POF1B: variants seen among roughly 807,000 people sequenced by gnomAD.
POF1B encodes the protein protein POF1B.
POF1B carries 53 observed loss-of-function variants against 55.3 expected under a neutral mutation model. The observed-to-expected ratio is 0.96, with a 90% CI of 0.77 to 1.20. The LOEUF (loss-of-function observed/expected upper bound fraction) is 1.20. Ranked by LOEUF, POF1B falls within the 50% of genes most tolerant of loss-of-function variation. The probability of loss-of-function intolerance (pLI) is 0.00; values close to 1 mark genes in which losing one functional copy is unlikely to be tolerated. For synonymous variants in POF1B, 188 were observed against 148.3 expected (o/e 1.27, Z -1.95); for missense variants, 478 against 420.5 (o/e 1.14, Z -1.20).
At chrX:85,374,348 T>C (rs1245611459) in intron 2 of POF1B, among the ~76,000 whole-genome samples, 1 of 111,453 alleles carries the variant, frequency 9.0e-6, no homozygotes, top group African/African-American at 3.3e-5. Flanking sequence ...TCAAGACCTG[T>C]TGGCTTCATT....
chrX:85,339,247 G>T (rs532372901), intron 6 of POF1B, among the ~76,000 whole-genome samples: 2 of 110,380 alleles, frequency 1.8e-5, no homozygotes, highest in South Asian at 7.8e-4. Flanking sequence ...AAAACCACCA[G>T]ATCTCATGAG....
chrX:85,360,675 A>AATGATTT (rs2147945202), intron 3 of POF1B, among the ~76,000 whole-genome samples: 1 of 106,179 alleles, frequency 9.4e-6, no homozygotes, highest in East Asian at 3.0e-4. Context: ...TTTATGGTAG[A>AATGATTT]ATGATTTATA....
intron 10 of POF1B, 38 bp downstream of exon 10, chrX:85,308,086 A>G (rs186154419): frequency 1.2e-5 from 11 of 940,662 alleles, no homozygotes; most frequent in South Asian, 6.9e-5. Flanking sequence ...GAAGCTAGTA[A>G]CTAGAAAGGC....
At chrX:85,325,999 T>TA (rs1569288884) in intron 7 of POF1B, among the ~76,000 whole-genome samples, 1 of 111,268 alleles carries the variant, frequency 9.0e-6, no homozygotes, top group African/African-American at 3.3e-5. Context: ...GGGAGTCGTA[T>TA]TGGGCCAGGC....
At chrX:85,322,594 G>T (rs1008840450) in intron 7 of POF1B, among the ~76,000 whole-genome samples, 1 of 111,729 alleles carries the variant, frequency 9.0e-6, no homozygotes, top group Non-Finnish European at 1.9e-5. Flanking sequence ...ATTGACAAAT[G>T]GGATCTAATT....
rs1309315860 is a variant in POF1B at position 85,379,271 on chromosome X, C to T, written c.184G>A (p.Val62Met). ...TTGAAGGGGTCCAAGGCCTGCACCACCTTGTTCATGGGCCCACTGTAGGTC... is the reference window on the plus strand; with the variant it reads ...TTGAAGGGGTCCAAGGCCTGCACCATCTTGTTCATGGGCCCACTGTAGGTC... ...VRTYSGPMNK[V>M]VQALDPFNSR... Residue 62 changes from valine to methionine, a missense_variant, in exon 2 of 17, where the codon GTG becomes ATG. Val to Met is a conservative substitution (Grantham distance 21, BLOSUM62 1). Coordinates refer to ENST00000262753, the MANE Select transcript of POF1B (RefSeq NM_024921.4). 2 of 1,210,799 alleles carry T rather than the reference C, an allele frequency of 1.7e-6. No individual in the cohort carries two copies.
chrX:85,342,472 AAGAT>A (rs1280964567), intron 6 of POF1B, among the ~76,000 whole-genome samples: 3 of 111,484 alleles, frequency 2.7e-5, no homozygotes, highest in Admixed American at 1.9e-4. Context: ...ACTTGACACT[AAGAT>A]AGGTGCTTTA....
At chrX:85,354,897 G>A (rs775951586) in intron 4 of POF1B, among the ~76,000 whole-genome samples, 117 of 111,368 alleles carry the variant, frequency 1.1e-3, no homozygotes, top group African/African-American at 3.6e-3. Flanking sequence ...GTAGTTTATA[G>A]ATTCAATGCC....
chrX:85,344,378 C>T (rs904419929), intron 6 of POF1B, among the ~76,000 whole-genome samples: 8 of 111,349 alleles, frequency 7.2e-5, no homozygotes, highest in Non-Finnish European at 1.5e-4. Context: ...TAATTAATTC[C>T]TCAACATAGC....
At chrX:85,345,745 T>C in intron 6 of POF1B, 115 bp downstream of exon 6, 2 of 659,059 alleles carry the variant, frequency 3.0e-6, no homozygotes, top group Non-Finnish European at 2.2e-6. Flanking sequence ...CAAATACCAG[T>C]GATATAACTT....
intron 2 of POF1B, among the ~76,000 whole-genome samples, chrX:85,375,383 C>T (rs940710440): frequency 4.5e-5 from 5 of 111,281 alleles, no homozygotes; most frequent in Non-Finnish European, 9.4e-5. Context: ...ACACACACAC[C>T]GTGACAGCTT....
At chrX:85,317,399 A>G (rs1932796700) in intron 7 of POF1B, among the ~76,000 whole-genome samples, 1 of 109,880 alleles carries the variant, frequency 9.1e-6, no homozygotes, top group Non-Finnish European at 1.9e-5. Context: ...CCACCAGTGC[A>G]TAAGCATTAC....
chrX:85,358,667 C>T (rs1933550139), intron 4 of POF1B, among the ~76,000 whole-genome samples: 1 of 109,957 alleles, frequency 9.1e-6, no homozygotes, highest in Admixed American at 9.7e-5. Flanking sequence ...AATCATAATG[C>T]AACAATTGGA....
chrX:85,301,316 T>C (rs182359124), intron 15 of POF1B, among the ~76,000 whole-genome samples: 1 of 111,590 alleles, frequency 9.0e-6, no homozygotes, highest in African/African-American at 3.3e-5. Context: ...CATCAGAAAT[T>C]ATAGAGGCCA....
intron 7 of POF1B, among the ~76,000 whole-genome samples, chrX:85,330,318 AATAG>A (rs1290666815): frequency 9.0e-5 from 10 of 111,190 alleles, no homozygotes; most frequent in African/African-American, 2.6e-4. Context: ...AATTTAATGT[AATAG>A]ATAATAATAT....
At chrX:85,360,527 G>GTGTATATATATATATATATATATA (rs1555988251) in intron 3 of POF1B, among the ~76,000 whole-genome samples, 2 of 58,524 alleles carry the variant, frequency 3.4e-5, no homozygotes, top group Admixed American at 1.9e-4. Context: ...TCCATGGTAT[G>GTGTATATATATATATATATATATA]TATATATATA....
intron 2 of POF1B, among the ~76,000 whole-genome samples, chrX:85,371,048 T>C (rs761451447): frequency 3.6e-5 from 4 of 111,729 alleles, no homozygotes; most frequent in African/African-American, 1.3e-4. Context: ...GTGGTGGTTA[T>C]CATGACATAG....
chrX:85,375,821 T>C lies in POF1B; in HGVS notation c.282+3352A>G, dbSNP rs372317016. ...AGAGGTCATTCGTAAACACACATTT[T>C]CCCCCAGGCTGCTCTCTAGAGTTTC... On this transcript the variant is annotated intron_variant, in intron 2 of 16. Transcript: ENST00000262753. Among the ~76,000 whole-genome samples, 31 of 111,909 alleles carry C rather than the reference T, an allele frequency of 2.8e-4. No homozygotes were observed. The South Asian group carries it at 5.2e-3, about 19-fold the overall frequency.
chrX:85,330,525 T>C (rs900641953), intron 7 of POF1B, among the ~76,000 whole-genome samples: 4 of 111,765 alleles, frequency 3.6e-5, no homozygotes, highest in African/African-American at 1.3e-4. Flanking sequence ...AGATGTTGCT[T>C]GTGCCATGAA....
Sources: gnomAD v4.1 joint callset for allele counts (sites outside exome capture counted in the v4.1 genomes callset) on GRCh38, gnomAD v4.1.1 for gene constraint, MANE v1.5 for transcripts, NCBI Gene and HGNC (gene_info 2026-07-23, HGNC 2026-07-21) for gene names.